Variants in PPARGC1A observed in about 807,000 individuals in gnomAD.
The protein encoded by PPARGC1A is peroxisome proliferator-activated receptor gamma coactivator 1-alpha.
In PPARGC1A, 25 loss-of-function variants were observed where a neutral mutation model predicts 88.7. The observed-to-expected ratio is 0.28, with a 90% CI of 0.21 to 0.39. PPARGC1A has a LOEUF of 0.39. Among genes scored for constraint, PPARGC1A ranks in the 10% least tolerant of loss-of-function variants. The pLI is 1.00. For missense variants in PPARGC1A, 880 were observed against 968.7 expected (o/e 0.91, Z 1.22); for synonymous variants, 363 against 355.6 (o/e 1.02, Z -0.24).
chr4:24,243,797 G>A, the PPARGC1A span, among the ~76,000 whole-genome samples: 26 of 152,228 alleles, frequency 1.7e-4, no homozygotes, highest in East Asian at 9.7e-4. Context: ...AGACTTTGAC[G>A]AGCCAGGCAG....
the PPARGC1A span, among the ~76,000 whole-genome samples, chr4:24,200,499 G>GA: frequency 2.0e-5 from 3 of 151,064 alleles, no homozygotes; most frequent in African/African-American, 4.9e-5. Flanking sequence ...CAACAAGAGC[G>GA]AAACTCTGAC....
intron 2 of PPARGC1A, among the ~76,000 whole-genome samples, chr4:23,857,810 G>A (rs1730475337): frequency 6.6e-6 from 1 of 151,666 alleles, no homozygotes; most frequent in Non-Finnish European, 1.5e-5. Flanking sequence ...GAATCGTGAT[G>A]AGACTCCTCT....
the PPARGC1A span, among the ~76,000 whole-genome samples, chr4:24,464,378 A>C: frequency 6.6e-6 from 1 of 152,238 alleles, no homozygotes; most frequent in Middle Eastern, 3.2e-3. Flanking sequence ...CCTCATTCAA[A>C]AGCTGTAACA....
chr4:24,472,211 G>C, the PPARGC1A span, among the ~76,000 whole-genome samples: 1 of 152,226 alleles, frequency 6.6e-6, no homozygotes, highest in South Asian at 2.1e-4. This position sits in a 1 kb window ranked among gnomAD's most constrained non-coding sequence, Gnocchi z 4.5. Flanking sequence ...GGGGAAGGGG[G>C]GGTATCTCCT....
At chr4:24,051,155 T>C in the PPARGC1A span, among the ~76,000 whole-genome samples, 1 of 113,928 alleles carries the variant, frequency 8.8e-6, no homozygotes, top group African/African-American at 3.4e-5. Context: ...GCCACTGCAC[T>C]CCAGCCTGGG....
the PPARGC1A span, among the ~76,000 whole-genome samples, chr4:24,450,432 A>C: frequency 6.6e-6 from 1 of 152,246 alleles, no homozygotes; most frequent in East Asian, 1.9e-4. Context: ...GCAAGACACA[A>C]GACCTTCGCC....
At chr4:24,385,123 C>A in the PPARGC1A span, among the ~76,000 whole-genome samples, 1 of 152,216 alleles carries the variant, frequency 6.6e-6, no homozygotes, top group South Asian at 2.1e-4. Flanking sequence ...ACTGAACAAC[C>A]TGCTCCCAAA....
At chr4:24,035,014 CTCT>C in the PPARGC1A span, among the ~76,000 whole-genome samples, 1 of 152,164 alleles carries the variant, frequency 6.6e-6, no homozygotes, top group Non-Finnish European at 1.5e-5. Context: ...ATTCTTCCTC[CTCT>C]TTTTTCAGAT....
At chr4:24,116,624 C>T in the PPARGC1A span, among the ~76,000 whole-genome samples, 2 of 152,268 alleles carry the variant, frequency 1.3e-5, no homozygotes, top group South Asian at 2.1e-4. Context: ...CCCAATGCAA[C>T]GATCTGGAAA....
At chr4:24,226,099 T>C in the PPARGC1A span, among the ~76,000 whole-genome samples, 2 of 152,172 alleles carry the variant, frequency 1.3e-5, no homozygotes, top group African/African-American at 4.8e-5. Context: ...TTTCCCCTTT[T>C]GCCATTCTGC....
the PPARGC1A span, among the ~76,000 whole-genome samples, chr4:24,237,929 G>A: frequency 3.9e-5 from 6 of 152,298 alleles, no homozygotes; most frequent in South Asian, 2.1e-4. Context: ...TGATGTGCCC[G>A]GCACTCAGCC....
the PPARGC1A span, among the ~76,000 whole-genome samples, chr4:24,327,653 T>C: frequency 5.3e-5 from 8 of 151,730 alleles, no homozygotes; most frequent in Admixed American, 5.3e-4. Context: ...AGATCTCCCT[T>C]CAGCTTAATC....
At chr4:24,292,512 C>T in the PPARGC1A span, among the ~76,000 whole-genome samples, 1 of 136,470 alleles carries the variant, frequency 7.3e-6, no homozygotes, top group Non-Finnish European at 1.6e-5. Context: ...CCCACCCCTT[C>T]CTGTGCTCCT....
the PPARGC1A span, among the ~76,000 whole-genome samples, chr4:24,310,343 C>G: frequency 6.6e-6 from 1 of 152,182 alleles, no homozygotes. Context: ...TGTATCAATT[C>G]CTCTCTAGAA....
the PPARGC1A span, among the ~76,000 whole-genome samples, chr4:24,354,405 A>G: frequency 2.6e-5 from 4 of 152,316 alleles, no homozygotes; most frequent in East Asian, 7.7e-4. Flanking sequence ...TCTGACTACC[A>G]CACAAGAGCA....
At chr4:24,263,680 A>G in the PPARGC1A span, among the ~76,000 whole-genome samples, 2 of 152,212 alleles carry the variant, frequency 1.3e-5, no homozygotes, top group Non-Finnish European at 1.5e-5. Flanking sequence ...CAATGTGAAG[A>G]TGATGAGGAT....
the PPARGC1A span, among the ~76,000 whole-genome samples, chr4:23,988,648 T>C: frequency 3.3e-5 from 5 of 151,802 alleles, no homozygotes; most frequent in African/African-American, 1.2e-4. Flanking sequence ...CAGAGATAGA[T>C]ATGTATATTT....
intron 1 of PPARGC1A, among the ~76,000 whole-genome samples, chr4:23,887,684 T>A (rs1297197784): frequency 6.6e-6 from 1 of 152,210 alleles, no homozygotes; most frequent in African/African-American, 2.4e-5. Context: ...TGATAATGAA[T>A]CATTATAATT....
the PPARGC1A span, among the ~76,000 whole-genome samples, chr4:24,304,019 AC>A: frequency 1.3e-5 from 2 of 152,152 alleles, no homozygotes; most frequent in African/African-American, 4.8e-5. Context: ...TAAGAGGCAA[AC>A]CCCCACAACT....
Sources: gnomAD v4.1 joint callset for allele counts (sites outside exome capture counted in the v4.1 genomes callset) on GRCh38, gnomAD v4.1.1 for gene constraint, Gnocchi (gnomAD v3.1) non-coding constraint, MANE v1.5 for transcripts, NCBI Gene and HGNC (gene_info 2026-07-23, HGNC 2026-07-21) for gene names.